The following OSTN variants were observed in gnomAD, a reference collection of about 807,000 sequenced individuals.
OSTN encodes osteocrin.
In OSTN, 9 loss-of-function variants were observed where a neutral mutation model predicts 12.0. The observed-to-expected ratio is 0.75, with a 90% CI of 0.45 to 1.30. The LOEUF (loss-of-function observed/expected upper bound fraction) is 1.30, where lower values mean the gene tolerates loss of function less well. Among genes scored for constraint, OSTN ranks in the 50% most tolerant of loss-of-function variants. The probability of loss-of-function intolerance (pLI) is 0.00; values close to 1 mark genes in which losing one functional copy is unlikely to be tolerated. For missense variants in OSTN, 148 were observed against 152.3 expected (o/e 0.97, Z 0.15); for synonymous variants, 59 against 56.9 (o/e 1.04, Z -0.16).
intron 1 of OSTN, among the ~76,000 whole-genome samples, chr3:191,204,090 G>A (rs369251840): frequency 1.3e-5 from 2 of 152,006 alleles, no homozygotes; most frequent in African/African-American, 4.8e-5. Flanking sequence ...GGGTTTCACC[G>A]TGTTAGCCAG....
chr3:191,244,384 G>T (rs1289783932), intron 3 of OSTN, among the ~76,000 whole-genome samples: 1 of 151,476 alleles, frequency 6.6e-6, no homozygotes, highest in Admixed American at 6.6e-5. Context: ...GAATATTTCA[G>T]AATGGAAAAC....
chr3:191,216,212 T>C lies in OSTN; in HGVS notation c.103-2535T>C, dbSNP rs558841313. Among the ~76,000 whole-genome samples the C allele has an allele frequency of 8.5e-5, 13 of 152,298 alleles. 1 individual carries two copies. The South Asian group carries it at 2.5e-3, about 29-fold the overall frequency. ...TGCCCTATCTGTATGTTGGCCCCCT[T>C]AGCCACAGATGGGATGCAAGGCACC... On this transcript the variant is annotated intron_variant, in intron 2 of 4. Coordinates refer to ENST00000682035, the MANE Select transcript of OSTN (RefSeq NM_198184.2).
intron 3 of OSTN, among the ~76,000 whole-genome samples, chr3:191,225,695 G>A (rs1330296129): frequency 6.6e-6 from 1 of 152,076 alleles, no homozygotes; most frequent in Non-Finnish European, 1.5e-5. Context: ...GCAGCTGGAG[G>A]CCATTATTCT....
chr3:191,211,897 T>G (rs1415799759), intron 1 of OSTN, among the ~76,000 whole-genome samples: 1 of 152,162 alleles, frequency 6.6e-6, no homozygotes. Context: ...ATGTATATAT[T>G]GTACATATCA....
At chr3:191,210,328 G>A (rs542448473) in intron 1 of OSTN, among the ~76,000 whole-genome samples, 16 of 152,264 alleles carry the variant, frequency 1.1e-4, no homozygotes, top group African/African-American at 2.9e-4. Context: ...GCACGCACCC[G>A]AGCCTCTGCC....
At chr3:191,228,518 T>C (rs1484241804) in intron 3 of OSTN, among the ~76,000 whole-genome samples, 1 of 152,208 alleles carries the variant, frequency 6.6e-6, no homozygotes, top group Non-Finnish European at 1.5e-5. Context: ...GAGTGCAGTA[T>C]TATCTTATTA....
chr3:191,231,388 A>C (rs955109947), intron 3 of OSTN, among the ~76,000 whole-genome samples: 2 of 152,060 alleles, frequency 1.3e-5, no homozygotes, highest in African/African-American at 2.4e-5. Flanking sequence ...ATAAACCACA[A>C]GACTAAAATG....
chr3:191,246,303 A>G (rs1276553647), intron 3 of OSTN, among the ~76,000 whole-genome samples: 4 of 151,014 alleles, frequency 2.6e-5, no homozygotes, highest in African/African-American at 9.7e-5. Flanking sequence ...CAAGATCCCC[A>G]TTTGCTTTCA....
At chr3:191,232,192 G>A (rs986604891) in intron 3 of OSTN, among the ~76,000 whole-genome samples, 8 of 151,338 alleles carry the variant, frequency 5.3e-5, no homozygotes, top group Non-Finnish European at 7.4e-5. Flanking sequence ...TCAGCCAGGC[G>A]TGGTGGCACT....
In OSTN at chr3:191,259,852, CTT is replaced by C. The variant is rs372562335; in HGVS notation, c.*13-2997_*13-2996del. On this transcript the variant is annotated intron_variant, in intron 4 of 4. Transcript: ENST00000682035. The stretch of plus-strand genomic sequence containing the variant: ...AGCTATGACCCTATTATGTATCCTT[CTT>C]TTTTTTTTTTTTTTTTCTTGAGACA... Among the ~76,000 whole-genome samples, 550 of 132,512 alleles carry C rather than the reference CTT, an allele frequency of 4.2e-3. 7 individuals are homozygous for C. The highest frequency in any genetic ancestry group is 0.015 in the African/African-American group (524 of 35,724). 86.9% of individuals were successfully genotyped at this position (132,512 alleles called of 152,430 possible). A position where few individuals can be genotyped will look rare whatever the true frequency, so the allele number is the denominator to read the frequency against.
intron 3 of OSTN, among the ~76,000 whole-genome samples, chr3:191,246,642 G>T (rs1246534125): frequency 6.7e-6 from 1 of 149,652 alleles, no homozygotes; most frequent in Non-Finnish European, 1.5e-5. Flanking sequence ...AAGAAAAGAA[G>T]AAGAGGAAGG....
At chr3:191,219,709 C>G (rs1334835532) in intron 3 of OSTN, among the ~76,000 whole-genome samples, 1 of 152,170 alleles carries the variant, frequency 6.6e-6, no homozygotes, top group East Asian at 1.9e-4. Context: ...CAAAAGACCA[C>G]ACAAGTACCA....
chr3:191,221,200 T>G (rs1292773830), intron 3 of OSTN, among the ~76,000 whole-genome samples: 1 of 152,230 alleles, frequency 6.6e-6, no homozygotes, highest in Non-Finnish European at 1.5e-5. Context: ...TCCCCAGCCC[T>G]GTGGAACTGT....
At chr3:191,212,878 T>C (rs867211503) in intron 2 of OSTN, among the ~76,000 whole-genome samples, 1 of 137,022 alleles carries the variant, frequency 7.3e-6, no homozygotes, top group African/African-American at 2.7e-5. Flanking sequence ...TTTTTTTTTT[T>C]TTTTTTTTTT....
chr3:191,217,524 G>GA (rs879409248), intron 2 of OSTN, among the ~76,000 whole-genome samples: 2 of 151,762 alleles, frequency 1.3e-5, no homozygotes, highest in Admixed American at 6.6e-5. Flanking sequence ...CACGATCTTA[G>GA]AAAAAAAAGC....
chr3:191,215,209 T>C (rs1228357860), intron 2 of OSTN, among the ~76,000 whole-genome samples: 4 of 152,134 alleles, frequency 2.6e-5, no homozygotes, highest in African/African-American at 9.7e-5. Flanking sequence ...AACCACCAGA[T>C]CTTGTGAGAA....
chr3:191,199,754 A>G (rs1444367337), intron 1 of OSTN, among the ~76,000 whole-genome samples: 1 of 152,104 alleles, frequency 6.6e-6, no homozygotes, highest in Non-Finnish European at 1.5e-5. Flanking sequence ...ATGAAATTCT[A>G]TCTCTTATGT....
chr3:191,203,177 T>C (rs548908692), intron 1 of OSTN, among the ~76,000 whole-genome samples: 1 of 152,296 alleles, frequency 6.6e-6, no homozygotes, highest in South Asian at 2.1e-4. Flanking sequence ...GGGATATTAG[T>C]ATCTGCCCCG....
At chr3:191,211,006 C>T (rs768818823) in intron 1 of OSTN, among the ~76,000 whole-genome samples, 1 of 152,210 alleles carries the variant, frequency 6.6e-6, no homozygotes, top group African/African-American at 2.4e-5. Context: ...TCTTTGTGCT[C>T]ACTACCCAGA....
Sources: allele counts gnomAD v4.1 joint callset (sites outside exome capture counted in the v4.1 genomes callset), GRCh38; gene constraint gnomAD v4.1.1; transcripts MANE v1.5; gene names NCBI Gene and HGNC (gene_info 2026-07-23, HGNC 2026-07-21).